ARRB1: variants seen among roughly 807,000 people sequenced by gnomAD.
ARRB1 encodes beta-arrestin-1.
In ARRB1, 21 loss-of-function variants were observed where a neutral mutation model predicts 56.8. The ratio of observed to expected loss-of-function variants is 0.37; its 90% CI spans 0.26 to 0.53. ARRB1 has a LOEUF of 0.53. Among genes scored for constraint, ARRB1 ranks in the 20% least tolerant of loss-of-function variants. The pLI is 0.88. For missense variants in ARRB1, 424 were observed against 553.7 expected (o/e 0.77, Z 2.35); for synonymous variants, 210 against 218.6 (o/e 0.96, Z 0.35).
chr11:75,348,440 C>T (rs1947804048), intron 1 of ARRB1, among the ~76,000 whole-genome samples: 1 of 152,112 alleles, frequency 6.6e-6, no homozygotes, highest in South Asian at 2.1e-4. Context: ...TGCTCTAAAT[C>T]CCTGGAGGAC....
intron 1 of ARRB1, chr11:75,311,980 G>C: frequency 8.1e-7 from 1 of 1,235,346 alleles, no homozygotes; most frequent in Non-Finnish European, 1.1e-6. Flanking sequence ...TGGGCCGAGG[G>C]GCTGGGAAAA....
rs113703916 is a variant in ARRB1, at chr11:75,274,248, C to T, written c.777-37G>A. 2.3e-4 allele frequency: 368 copies of T among 1,610,212 alleles called. 3 individuals are homozygous for T. The African/African-American group carries it at 4.2e-3, about 18-fold the overall frequency. On this transcript the variant is annotated intron_variant, in intron 10 of 15. Transcript: ENST00000420843. ...GGAAGCAGCTGTGGAGATGGCCCTC[C>T]CCAGAGCCAACCCCAGCCCTGATCT...
chr11:75,342,714 C>G (rs1433230509), intron 1 of ARRB1, among the ~76,000 whole-genome samples: 1 of 152,160 alleles, frequency 6.6e-6, no homozygotes, highest in Non-Finnish European at 1.5e-5. Flanking sequence ...GGAGCGCGCC[C>G]TCCAGAGGCC....
At chr11:75,345,855 A>G (rs1277534454) in intron 1 of ARRB1, among the ~76,000 whole-genome samples, 2 of 152,146 alleles carry the variant, frequency 1.3e-5, no homozygotes, top group African/African-American at 4.8e-5. Flanking sequence ...TAGCAGAGGC[A>G]AGAAGGGAAA....
chr11:75,351,044 T>TA (rs997864785), intron 1 of ARRB1, among the ~76,000 whole-genome samples: 5 of 152,310 alleles, frequency 3.3e-5, no homozygotes, highest in Admixed American at 6.5e-5. Flanking sequence ...GAGTGTTTGC[T>TA]ACAGCGAGTG....
intron 9 of ARRB1, among the ~76,000 whole-genome samples, 156 bp downstream of exon 9, chr11:75,277,208 A>G (rs1387070352): frequency 2.0e-5 from 3 of 152,124 alleles, no homozygotes. Flanking sequence ...GCCTTACCCA[A>G]CTCAAAAGCT....
chr11:75,320,844 C>A (rs1249777505), intron 1 of ARRB1, among the ~76,000 whole-genome samples: 1 of 152,228 alleles, frequency 6.6e-6, no homozygotes, highest in East Asian at 1.9e-4. Context: ...TCCCAGACCA[C>A]TGGGCGCTGG....
chr11:75,318,124 G>C (rs1947292000), intron 1 of ARRB1, among the ~76,000 whole-genome samples: 1 of 149,838 alleles, frequency 6.7e-6, no homozygotes, highest in South Asian at 2.1e-4. Context: ...ATGTGATGTC[G>C]GCCTGGGAAT....
chr11:75,274,373 C>A, intron 10 of ARRB1, 162 bp from the exon 11 acceptor site: 5 of 836,328 alleles, frequency 6.0e-6, no homozygotes, highest in Non-Finnish European at 9.2e-6. Context: ...CCAGCTCGGG[C>A]AAGGAGACCA....
intron 1 of ARRB1, among the ~76,000 whole-genome samples, chr11:75,298,179 C>T (rs1269775101): frequency 1.3e-5 from 2 of 149,260 alleles, no homozygotes; most frequent in Non-Finnish European, 3.0e-5. Context: ...CAACATGGCA[C>T]ATGTATACAT....
At chr11:75,346,100 C>T (rs1037707070) in intron 1 of ARRB1, among the ~76,000 whole-genome samples, 3 of 152,072 alleles carry the variant, frequency 2.0e-5, no homozygotes, top group Non-Finnish European at 4.4e-5. Context: ...ACAGCCTCAC[C>T]CCTCACACTC....
At chr11:75,283,008 C>A (rs1653551645) in intron 5 of ARRB1, among the ~76,000 whole-genome samples, 1 of 152,346 alleles carries the variant, frequency 6.6e-6, no homozygotes, top group Non-Finnish European at 1.5e-5. Context: ...AGGGCTCTTT[C>A]TTTCTCTGAA....
chr11:75,302,999 C>CATT (rs61237959), intron 1 of ARRB1, among the ~76,000 whole-genome samples: 74,164 of 149,996 alleles, frequency 0.49, 19,734 homozygotes, highest in African/African-American at 0.71. Context: ...TTATTATTAT[C>CATT]ATTATTATTA....
In ARRB1 at chr11:75,265,700, G is replaced by GTGT; in HGVS notation, c.*462_*463insACA. 1.7e-5 allele frequency: 3 copies of GTGT among 178,502 alleles called. No homozygotes were observed. The highest frequency in any genetic ancestry group is 1.1e-4 in the Admixed American group (2 of 17,602). The allele number at this position is 178,502 out of a possible 1,614,324, so 11.1% of individuals were successfully genotyped here. ...CAGTTCTGCCCCTCCCAGCCAGAAG[G>GTGT]AGGTGGCCTTCAACGCGGTCATCTT... On this transcript the variant is annotated 3_prime_UTR_variant, in exon 16 of 16. Coordinates refer to ENST00000420843, the MANE Select transcript of ARRB1 (RefSeq NM_004041.5).
At position 75,266,062 on chromosome 11, in the gene ARRB1, G is replaced by C; in HGVS notation, c.*101C>G. ...CCACGGGGCCCCCTGGTAGAAACTG[G>C]AAGAACAAAGGGGAAAAGAAACCAG... is the stretch of plus-strand genomic sequence containing the variant. On this transcript the variant is annotated 3_prime_UTR_variant, in exon 16 of 16. Transcript: ENST00000420843. The C allele has an allele frequency of 9.2e-7, 1 of 1,089,568 alleles. No homozygotes were observed. Among genetic ancestry groups the C allele is most frequent in the South Asian group, 1.3e-5 (1 of 74,152 alleles). 67.5% of individuals were successfully genotyped at this position (1,089,568 alleles called of 1,614,324 possible).
At chr11:75,330,089 C>T (rs560100554) in intron 1 of ARRB1, among the ~76,000 whole-genome samples, 38 of 152,158 alleles carry the variant, frequency 2.5e-4, no homozygotes, top group African/African-American at 8.9e-4. Context: ...AATAAATGAA[C>T]GAACGAACAA....
chr11:75,268,797 G>A, intron 14 of ARRB1, 92 bp downstream of exon 14: 1 of 1,402,568 alleles, frequency 7.1e-7, no homozygotes, highest in Non-Finnish European at 9.9e-7. Context: ...AGGGTGACTG[G>A]GCTGAGGGCG....
chr11:75,320,044 T>TC (rs1207476412), intron 1 of ARRB1, among the ~76,000 whole-genome samples: 2 of 151,644 alleles, frequency 1.3e-5, no homozygotes, highest in East Asian at 3.9e-4. Context: ...GAGACCAAAG[T>TC]CCCCCCCAGA....
At chr11:75,272,388 A>G (rs992377889) in intron 12 of ARRB1, among the ~76,000 whole-genome samples, 7 of 152,222 alleles carry the variant, frequency 4.6e-5, no homozygotes, top group Admixed American at 4.6e-4. Context: ...GATTTCAGGC[A>G]ATGTTTGGGG....
Sources: gnomAD v4.1 joint callset for allele counts (sites outside exome capture counted in the v4.1 genomes callset) on GRCh38, gnomAD v4.1.1 for gene constraint, MANE v1.5 for transcripts, NCBI Gene and HGNC (gene_info 2026-07-23, HGNC 2026-07-21) for gene names.